Variants in BDKRB2 observed in about 807,000 individuals in gnomAD.
BDKRB2 encodes B2 bradykinin receptor.
Under a neutral mutation model 4.0 loss-of-function variants are expected in BDKRB2, and 6 were observed. That is an observed-to-expected ratio of 1.49 (90% CI 0.81 to 2.93). The LOEUF is 2.93. BDKRB2 is among the 30% of genes most tolerant of loss of function. BDKRB2 has a pLI of 0.00. For synonymous variants in BDKRB2, 225 were observed against 215.3 expected, an observed-to-expected ratio of 1.05 and a Z score of -0.40; for missense variants, 478 against 520.1, an observed-to-expected ratio of 0.92 and a Z score of 0.79.
intron 1 of BDKRB2, among the ~76,000 whole-genome samples, chr14:96,210,671 A>G (rs930026489): frequency 6.6e-6 from 1 of 152,154 alleles, no homozygotes; most frequent in African/African-American, 2.4e-5. Flanking sequence ...GCTAATGTCT[A>G]AGGTTGTGGA....
In BDKRB2 at chr14:96,243,576, G is replaced by C. The variant is rs1885359688; in HGVS notation, c.*2072G>C. ...AACCTGGCAAGCTAGAACCTGGAGGGAATGAACCTGGAGGGCTAGAACCTG... is the reference window on the plus strand; with the variant it reads ...AACCTGGCAAGCTAGAACCTGGAGGCAATGAACCTGGAGGGCTAGAACCTG... On this transcript the variant is annotated 3_prime_UTR_variant, in exon 3 of 3. Transcript: ENST00000554311. 1 of 152,422 alleles carries C rather than the reference G, an allele frequency of 6.6e-6. No homozygotes were observed. The highest frequency in any genetic ancestry group is 2.4e-5 in the African/African-American group (1 of 41,394). 9.4% of individuals were successfully genotyped at this position (152,422 alleles called of 1,614,324 possible).
chr14:96,238,106 G>GT, intron 2 of BDKRB2: 1 of 1,031,562 alleles, frequency 9.7e-7, no homozygotes, highest in Non-Finnish European at 1.2e-6. Context: ...TCAGAGCCCA[G>GT]TAGAGACAGC....
rs139561342 is a variant in BDKRB2, at chr14:96,218,351, T to C, written c.-40+13392T>C. Reference sequence around the variant, plus strand: ...GATGGTTTACAAAGCGCTTTTGCACTTGAGACCCCTAAGTGCTAATTCTAC... The same window carrying C: ...GATGGTTTACAAAGCGCTTTTGCACCTGAGACCCCTAAGTGCTAATTCTAC... On this transcript the variant is annotated intron_variant, in intron 1 of 2. Coordinates refer to ENST00000554311, the MANE Select transcript of BDKRB2 (RefSeq NM_001379692.1). 7.9e-4 allele frequency among the ~76,000 whole-genome samples: 121 copies of C among 152,292 alleles called. 2 individuals are homozygous for C. Among genetic ancestry groups the C allele is most frequent in the African/African-American group, 2.8e-3 (117 of 41,524 alleles).
At chr14:96,221,409 G>C (rs1196659561) in intron 1 of BDKRB2, among the ~76,000 whole-genome samples, 1 of 152,146 alleles carries the variant, frequency 6.6e-6, no homozygotes, top group African/African-American at 2.4e-5. Context: ...TGGGTGTCCT[G>C]TCTGGAGCCC....
chr14:96,220,559 T>C (rs916182970), intron 1 of BDKRB2, among the ~76,000 whole-genome samples: 1 of 152,036 alleles, frequency 6.6e-6, no homozygotes, highest in Non-Finnish European at 1.5e-5. Context: ...TTGGCTGAGA[T>C]CCTGCAGATC....
At chr14:96,216,890 G>A (rs1890441798) in intron 1 of BDKRB2, among the ~76,000 whole-genome samples, 1 of 152,120 alleles carries the variant, frequency 6.6e-6, no homozygotes, top group Non-Finnish European at 1.5e-5. Flanking sequence ...ATATACAATC[G>A]GCACATCCTA....
chr14:96,223,291 TC>T (rs956433541), intron 1 of BDKRB2: 1 of 1,051,588 alleles, frequency 9.5e-7, no homozygotes, highest in African/African-American at 1.6e-5. Flanking sequence ...GATCCATGAA[TC>T]AGAACCTCAC....
intron 1 of BDKRB2, among the ~76,000 whole-genome samples, chr14:96,213,202 A>G (rs976155289): frequency 1.3e-5 from 2 of 152,200 alleles, no homozygotes; most frequent in Admixed American, 6.5e-5. Context: ...GACTGTGCCT[A>G]GACTCAGGAA....
rs201864766 is a variant in BDKRB2, at chr14:96,241,439, C to G, written c.1111C>G (p.Arg371Gly). ...GATGGAGAACTCCATGGGCACACTG[C>G]GGACCTCCATCTCCGTGGAACGCCA... ...IQMENSMGTL[R>G]TSISVERQIH... The change falls in exon 3 of 3, where the codon CGG becomes GGG. Residue 371 changes from arginine (R) to glycine (G), a missense_variant. Coordinates refer to ENST00000554311, the MANE Select transcript of BDKRB2 (RefSeq NM_001379692.1). 3 of 1,595,748 alleles carry G rather than the reference C, an allele frequency of 1.9e-6. No individual in the cohort carries two copies. Among genetic ancestry groups the G allele is most frequent in the Admixed American group, 3.4e-5 (2 of 58,590 alleles).
chr14:96,205,586 G>A (rs987773305), intron 1 of BDKRB2, among the ~76,000 whole-genome samples: 1 of 152,170 alleles, frequency 6.6e-6, no homozygotes, highest in Non-Finnish European at 1.5e-5. Flanking sequence ...CACGGTCCTG[G>A]CTGACCAGGG....
chr14:96,214,475 G>A (rs1264737075), intron 1 of BDKRB2, among the ~76,000 whole-genome samples: 1 of 152,178 alleles, frequency 6.6e-6, no homozygotes, highest in South Asian at 2.1e-4. Context: ...CACAAGCGGG[G>A]ACCTGGGCTC....
In BDKRB2 at chr14:96,215,806, G is replaced by A. The variant is rs543322146; in HGVS notation, c.-40+10847G>A. Among the ~76,000 whole-genome samples the A allele has an allele frequency of 2.9e-4, 44 of 152,264 alleles. No homozygotes were observed. The South Asian group carries it at 9.1e-3, about 32-fold the overall frequency. On this transcript the variant is annotated intron_variant, in intron 1 of 2. Transcript: ENST00000554311. ...AATAGTCATCCCTAACATTGATTCG[G>A]CATCTACTAATAATCAATCCCTTCT...
intron 2 of BDKRB2, chr14:96,238,389 AC>A (rs572136611): frequency 2.2e-3 from 2,017 of 904,994 alleles, no homozygotes; most frequent in Non-Finnish European, 2.5e-3. Context: ...AGTCCAGCCC[AC>A]GTCCAGGAGA....
chr14:96,228,893 G>A (rs1016054611), intron 1 of BDKRB2, among the ~76,000 whole-genome samples: 1 of 152,230 alleles, frequency 6.6e-6, no homozygotes, highest in African/African-American at 2.4e-5. Context: ...TTGAATCCTG[G>A]CCCTGCCTCT....
At chr14:96,230,972 G>A (rs1890806737) in intron 1 of BDKRB2, among the ~76,000 whole-genome samples, 1 of 151,778 alleles carries the variant, frequency 6.6e-6, no homozygotes, top group Non-Finnish European at 1.5e-5. Context: ...TTTTTTAAGG[G>A]GAATGAGTGG....
At position 96,243,823 on chromosome 14, in the gene BDKRB2, C is replaced by A. The variant is rs201596078; in HGVS notation, c.*2319C>A. The A allele has an allele frequency of 1.9e-5, 4 of 207,320 alleles. No homozygotes were observed. The highest frequency in any genetic ancestry group is 9.2e-5 in the African/African-American group (4 of 43,492). The allele number at this position is 207,320 out of a possible 1,614,324, so 12.8% of individuals were successfully genotyped here. On this transcript the variant is annotated 3_prime_UTR_variant, in exon 3 of 3. Transcript: ENST00000554311. ...GTATTAGTATTAGAATGAAGTCAAA[C>A]TGTGCCACACATGGTGAATGAAAAA...
intron 1 of BDKRB2, among the ~76,000 whole-genome samples, chr14:96,232,213 T>C (rs554020436): frequency 6.6e-6 from 1 of 152,344 alleles, no homozygotes; most frequent in Non-Finnish European, 1.5e-5. Flanking sequence ...CGGACTCGTC[T>C]ACTCCACACA....
intron 1 of BDKRB2, among the ~76,000 whole-genome samples, chr14:96,231,411 GA>G (rs1890816300): frequency 6.6e-6 from 1 of 152,116 alleles, no homozygotes; most frequent in Admixed American, 6.5e-5. Context: ...GGGAAGAAAA[GA>G]AAAGGGACTC....
Position 96,240,890 on chromosome 14 carries a change from C to T in BDKRB2, c.562C>T (p.Leu188=). ...GGTGATCTGGGGGTGTACGCTGCTC[C>T]TGAGCTCACCCATGCTGGTGTTCCG... ...SLVIWGCTLL[L]SSPMLVFRTM... The change falls in exon 3 of 3, where the codon CTG becomes TTG. Residue 188 remains leucine (L), a synonymous_variant. Transcript: ENST00000554311. 4 of 1,596,142 alleles carry T rather than the reference C, an allele frequency of 2.5e-6. No homozygotes were observed. Among genetic ancestry groups the T allele is most frequent in the Non-Finnish European group, 3.4e-6 (4 of 1,171,408 alleles).
Sources: allele counts gnomAD v4.1 joint callset (sites outside exome capture counted in the v4.1 genomes callset), GRCh38; gene constraint gnomAD v4.1.1; transcripts MANE v1.5; gene names NCBI Gene and HGNC (gene_info 2026-07-23, HGNC 2026-07-21).